The following METTL15 variants were observed in gnomAD, a reference collection of about 807,000 sequenced individuals.
METTL15 encodes the protein methyltransferase 15, mitochondrial 12S rRNA N4-cytidine, also known as 12S rRNA N(4)-cytidine methyltransferase METTL15.
Under a neutral mutation model 38.3 loss-of-function variants are expected in METTL15, and 34 were observed. The ratio of observed to expected loss-of-function variants is 0.89; its 90% CI spans 0.68 to 1.18. The LOEUF is 1.18. Among genes scored for constraint, METTL15 ranks in the 50% most tolerant of loss-of-function variants. The probability of loss-of-function intolerance (pLI) is 0.00; values close to 1 mark genes in which losing one functional copy is unlikely to be tolerated. For missense variants in METTL15, 438 were observed against 498.4 expected (o/e 0.88, Z 1.15); for synonymous variants, 162 against 170.9 (o/e 0.95, Z 0.41).
intron 4 of METTL15, among the ~76,000 whole-genome samples, chr11:28,279,939 T>C (rs1855991062): frequency 1.3e-5 from 2 of 150,434 alleles, no homozygotes; most frequent in African/African-American, 4.9e-5. Context: ...AAAGGAAGGC[T>C]AACATAAATT....
chr11:28,317,057 C>T (rs1189682252), intron 6 of METTL15, among the ~76,000 whole-genome samples: 1 of 152,010 alleles, frequency 6.6e-6, no homozygotes, highest in African/African-American at 2.4e-5. Context: ...TAATTCTGGG[C>T]CATGTTTCTT....
chr11:28,206,167 C>T (rs956854421), intron 3 of METTL15, among the ~76,000 whole-genome samples: 5 of 150,814 alleles, frequency 3.3e-5, no homozygotes, highest in Non-Finnish European at 5.9e-5. Flanking sequence ...GTGTTTTAGA[C>T]ATGAAATCCT....
intron 6 of METTL15, among the ~76,000 whole-genome samples, chr11:28,506,058 A>G (rs1468129634): frequency 6.6e-6 from 1 of 152,222 alleles, no homozygotes; most frequent in Non-Finnish European, 1.5e-5. Context: ...TCTAAGTCAT[A>G]AACTCAGTCT....
intron 6 of METTL15, among the ~76,000 whole-genome samples, chr11:28,485,049 G>C (rs958783675): frequency 5.9e-5 from 9 of 151,896 alleles, no homozygotes; most frequent in African/African-American, 2.2e-4. Context: ...TCGCTATGAT[G>C]CTAAGTTCCT....
chr11:28,187,194 C>G (rs1446122011), intron 3 of METTL15, among the ~76,000 whole-genome samples: 1 of 151,148 alleles, frequency 6.6e-6, no homozygotes, highest in African/African-American at 2.4e-5. Context: ...AGAAGTTGTT[C>G]TGAACAAAAG....
At chr11:28,355,648 A>T (rs1463335133) in intron 4 of METTL15, among the ~76,000 whole-genome samples, 1 of 152,224 alleles carries the variant, frequency 6.6e-6, no homozygotes, top group African/African-American at 2.4e-5. Context: ...AGGCATTATA[A>T]GTAATCTAGA....
intron 3 of METTL15, among the ~76,000 whole-genome samples, chr11:28,182,658 G>C (rs1273490047): frequency 6.6e-6 from 1 of 152,060 alleles, no homozygotes; most frequent in Admixed American, 6.6e-5. Context: ...GGTTACTGTA[G>C]CCTTGTGGTA....
At chr11:28,420,964 C>T (rs981857058) in intron 5 of METTL15, among the ~76,000 whole-genome samples, 1 of 151,546 alleles carries the variant, frequency 6.6e-6, no homozygotes, top group Non-Finnish European at 1.5e-5. Context: ...ACCTTTTAGC[C>T]AGATTAGCTA....
At chr11:28,159,932 A>C (rs1010830733) in intron 3 of METTL15, among the ~76,000 whole-genome samples, 3 of 152,140 alleles carry the variant, frequency 2.0e-5, no homozygotes, top group African/African-American at 7.2e-5. Context: ...TGAAGGATAC[A>C]AAGTATTTAT....
chr11:28,512,434 G>C (rs1475051250), intron 6 of METTL15, among the ~76,000 whole-genome samples: 1 of 152,226 alleles, frequency 6.6e-6, no homozygotes, highest in Non-Finnish European at 1.5e-5. Context: ...AAGGAGATGG[G>C]GAGGCTCAGG....
chr11:28,153,609 TG>T (rs1460367701), intron 3 of METTL15, among the ~76,000 whole-genome samples: 1 of 152,108 alleles, frequency 6.6e-6, no homozygotes, highest in African/African-American at 2.4e-5. Context: ...AATATTAGTC[TG>T]TTGGTTGCTT....
chr11:28,288,309 C>G (rs1856369646), intron 4 of METTL15, among the ~76,000 whole-genome samples: 1 of 152,144 alleles, frequency 6.6e-6, no homozygotes, highest in Non-Finnish European at 1.5e-5. Context: ...AATGCCACCA[C>G]TGGGTATATA....
intron 5 of METTL15, among the ~76,000 whole-genome samples, chr11:28,394,717 T>C (rs896208769): frequency 6.6e-6 from 1 of 152,110 alleles, no homozygotes; most frequent in Non-Finnish European, 1.5e-5. Context: ...AAGACATTAT[T>C]GCTGCTGTCT....
intron 3 of METTL15, among the ~76,000 whole-genome samples, chr11:28,131,828 C>G (rs1045978676): frequency 6.6e-6 from 1 of 152,092 alleles, no homozygotes; most frequent in Non-Finnish European, 1.5e-5. Context: ...CCTGATAAAT[C>G]GGAAGTATTA....
At chr11:28,183,651 T>A (rs1470393139) in intron 3 of METTL15, among the ~76,000 whole-genome samples, 1 of 152,140 alleles carries the variant, frequency 6.6e-6, no homozygotes, top group African/African-American at 2.4e-5. Context: ...GCTGCTGGAC[T>A]TGGTTTGCCA....
chr11:28,400,163 G>C (rs1220452019), intron 5 of METTL15, among the ~76,000 whole-genome samples: 1 of 151,830 alleles, frequency 6.6e-6, no homozygotes, highest in African/African-American at 2.4e-5. Context: ...TTGTTTAAAT[G>C]GTTACAATTT....
intron 3 of METTL15, chr11:28,122,209 AT>A: frequency 8.2e-7 from 1 of 1,223,648 alleles, no homozygotes; most frequent in Non-Finnish European, 1.1e-6. Context: ...TAAAATGAGA[AT>A]GTTTATGGAT....
At chr11:28,127,769 T>C (rs1175752189) in intron 3 of METTL15, among the ~76,000 whole-genome samples, 1 of 152,118 alleles carries the variant, frequency 6.6e-6, no homozygotes, top group African/African-American at 2.4e-5. Flanking sequence ...TATATAAAAT[T>C]ATATAAATTT....
intron 4 of METTL15, among the ~76,000 whole-genome samples, chr11:28,254,451 AT>A (rs1443377982): frequency 6.6e-6 from 1 of 151,974 alleles, no homozygotes; most frequent in East Asian, 1.9e-4. Flanking sequence ...CACTTTATTG[AT>A]TGTATACTTT....
Sources: gnomAD v4.1 joint callset for allele counts (sites outside exome capture counted in the v4.1 genomes callset) on GRCh38, gnomAD v4.1.1 for gene constraint, MANE v1.5 for transcripts, NCBI Gene and HGNC (gene_info 2026-07-23, HGNC 2026-07-21) for gene names.